Variants in ATP8A2 observed in about 807,000 individuals in gnomAD.
ATP8A2 encodes phospholipid-transporting ATPase IB.
ATP8A2 carries 100 observed loss-of-function variants against 165.6 expected under a neutral mutation model. That is an observed-to-expected ratio of 0.60 (90% CI 0.51 to 0.71). ATP8A2 has a LOEUF of 0.71. Among genes scored for constraint, ATP8A2 ranks in the 30% least tolerant of loss-of-function variants. The pLI, the probability that ATP8A2 is intolerant of heterozygous loss-of-function variation, is 0.00. For synonymous variants in ATP8A2, 543 were observed against 548.8 expected, an observed-to-expected ratio of 0.99 and a Z score of 0.15; for missense variants, 1,227 against 1,479.5, an observed-to-expected ratio of 0.83 and a Z score of 2.80.
intron 25 of ATP8A2, among the ~76,000 whole-genome samples, chr13:25,714,429 C>T (rs2043214190): frequency 1.3e-5 from 2 of 152,170 alleles, no homozygotes; most frequent in Non-Finnish European, 1.5e-5. Context: ...GTGCCACTTT[C>T]CATAGCTTTA....
intron 24 of ATP8A2, among the ~76,000 whole-genome samples, chr13:25,593,219 A>G (rs572846295): frequency 1.4e-4 from 22 of 152,306 alleles, no homozygotes; most frequent in Admixed American, 1.4e-3. Flanking sequence ...CAGGGCTCCA[A>G]TAACAATGCA....
intron 1 of ATP8A2, among the ~76,000 whole-genome samples, chr13:25,391,215 T>A (rs961975968): frequency 3.3e-5 from 5 of 152,160 alleles, no homozygotes; most frequent in Non-Finnish European, 7.3e-5. Flanking sequence ...GATATGAGGC[T>A]TCATCTGCAT....
intron 24 of ATP8A2, among the ~76,000 whole-genome samples, chr13:25,609,967 T>A (rs2040637073): frequency 1.3e-5 from 2 of 152,078 alleles, no homozygotes; most frequent in South Asian, 4.2e-4. Flanking sequence ...ATAGGATTGT[T>A]TTTTTATTGC....
At chr13:25,615,123 G>A (rs1210883649) in intron 24 of ATP8A2, among the ~76,000 whole-genome samples, 4 of 152,112 alleles carry the variant, frequency 2.6e-5, no homozygotes, top group South Asian at 2.1e-4. Context: ...CTTTGTCTTC[G>A]GCTACCAGGG....
chr13:25,926,603 A>G lies in ATP8A2; in HGVS notation c.3184-34972A>G, dbSNP rs1593572603. Among the ~76,000 whole-genome samples the G allele has an allele frequency of 3.3e-5, 5 of 152,228 alleles. No homozygotes were observed. The South Asian group carries it at 1.0e-3, about 32-fold the overall frequency. On this transcript the variant is annotated intron_variant, in intron 33 of 36. Transcript: ENST00000381655. ...GTTTTGCTAAATGAATGAATGAAACATGCAACAGATCATGGGGATTTGGGG... is the reference window on the plus strand; with the variant it reads ...GTTTTGCTAAATGAATGAATGAAACGTGCAACAGATCATGGGGATTTGGGG...
At chr13:25,521,519 T>C (rs1373462836) in intron 2 of ATP8A2, among the ~76,000 whole-genome samples, 1 of 152,204 alleles carries the variant, frequency 6.6e-6, no homozygotes, top group Admixed American at 6.5e-5. Context: ...GTCTTAGATT[T>C]GAGCCTTTAA....
intron 24 of ATP8A2, among the ~76,000 whole-genome samples, chr13:25,674,969 G>A (rs1253576435): frequency 1.3e-5 from 2 of 152,314 alleles, no homozygotes; most frequent in African/African-American, 2.4e-5. Context: ...CCAAAAGGAC[G>A]TAAGTCTAGA....
chr13:25,742,221 C>A (rs2043929910), intron 25 of ATP8A2, among the ~76,000 whole-genome samples: 1 of 152,088 alleles, frequency 6.6e-6, no homozygotes. Flanking sequence ...GTACTAAACA[C>A]ATCCTAAACA....
intron 1 of ATP8A2, among the ~76,000 whole-genome samples, chr13:25,433,399 A>G (rs1270460362): frequency 6.6e-6 from 1 of 152,130 alleles, no homozygotes; most frequent in Non-Finnish European, 1.5e-5. Flanking sequence ...CAGCTTCCCA[A>G]GTAGCTGGGA....
At chr13:25,980,802 T>C (rs1225596381) in intron 35 of ATP8A2, among the ~76,000 whole-genome samples, 1 of 152,068 alleles carries the variant, frequency 6.6e-6, no homozygotes, top group East Asian at 1.9e-4. Context: ...GTCCAGGAGT[T>C]TGAGGCTGCA....
intron 25 of ATP8A2, among the ~76,000 whole-genome samples, chr13:25,726,516 C>T (rs1333774730): frequency 3.9e-5 from 6 of 152,170 alleles, no homozygotes; most frequent in Admixed American, 6.5e-5. Flanking sequence ...ATAAATTCCT[C>T]GGCTTGTGGC....
intron 35 of ATP8A2, among the ~76,000 whole-genome samples, chr13:25,974,838 C>T (rs1955995229): frequency 1.3e-5 from 2 of 152,246 alleles, no homozygotes; most frequent in South Asian, 4.2e-4. Context: ...AGTCATCCCC[C>T]CTGGTCCCTT....
intron 24 of ATP8A2, among the ~76,000 whole-genome samples, chr13:25,684,990 A>G (rs2042570718): frequency 6.6e-6 from 1 of 152,224 alleles, no homozygotes; most frequent in South Asian, 2.1e-4. Context: ...GCTTTGAATT[A>G]TACCTGAGAA....
chr13:25,461,660 A>G (rs552024988), intron 1 of ATP8A2, among the ~76,000 whole-genome samples: 56 of 152,278 alleles, frequency 3.7e-4, no homozygotes, highest in Non-Finnish European at 4.0e-4. Context: ...TTGAATACCT[A>G]TGTTTACCAG....
rs773160535 is a variant in ATP8A2 at position 25,589,678 on chromosome 13, A to G, written c.2190A>G (p.Leu730=). The part of the protein sequence containing the change: ...RLVSQNMALI[L]LKEDSLDATR... ...TATCGCAGAATATGGCCCTTATCCT[A>G]TTGAAGGAGGACTCTTTGGATGTAA... is the stretch of plus-strand genomic sequence containing the variant. Residue 730 remains leucine (L), a synonymous_variant, in exon 24 of 37, where the codon CTA becomes CTG. Transcript: ENST00000381655. 6.2e-7 allele frequency: 1 copy of G among 1,610,646 alleles called. No individual in the cohort carries two copies. The highest frequency in any genetic ancestry group is 1.1e-5 in the South Asian group (1 of 90,782).
chr13:25,867,191 TTTATGTACACAC>T (rs1952530782), intron 33 of ATP8A2, among the ~76,000 whole-genome samples: 3 of 151,898 alleles, frequency 2.0e-5, no homozygotes, highest in Admixed American at 6.6e-5. Flanking sequence ...ACTCTTGAGT[TTTATGTACACAC>T]TTGTGTACAC....
chr13:26,009,584 C>T (rs1186631816), intron 35 of ATP8A2, among the ~76,000 whole-genome samples: 1 of 152,088 alleles, frequency 6.6e-6, no homozygotes, highest in African/African-American at 2.4e-5. Flanking sequence ...GTCAAGTTAG[C>T]CTTGGATGGA....
intron 36 of ATP8A2, among the ~76,000 whole-genome samples, chr13:26,018,754 C>T (rs1957036182): frequency 6.6e-6 from 1 of 152,158 alleles, no homozygotes; most frequent in South Asian, 2.1e-4. Flanking sequence ...TGCTTCCCAG[C>T]TCTGCCACTC....
In ATP8A2 at chr13:25,578,822, T is replaced by G; in HGVS notation, c.1790T>G (p.Val597Gly). Residue 597 changes from valine to glycine, a missense_variant, in exon 21 of 37, where the codon GTG (valine) becomes GGG (glycine). Around this residue, in one of 5 missense-constraint regions of ATP8A2, gnomAD observed 592 missense variants for 785.6 expected, o/e 0.75. Coordinates refer to ENST00000381655, the MANE Select transcript of ATP8A2 (RefSeq NM_016529.6). ...LRLYCKGADN[V>G]IFERLSKDSK... ...TGTTTCCCTATTTTATAGGATAATG[T>G]GATTTTTGAGAGACTTTCAAAAGAC... The G allele has an allele frequency of 1.9e-6, 3 of 1,579,914 alleles. No individual in the cohort carries two copies. The highest frequency in any genetic ancestry group is 2.6e-6 in the Non-Finnish European group (3 of 1,148,902).
Sources: gnomAD v4.1 joint callset for allele counts (sites outside exome capture counted in the v4.1 genomes callset) on GRCh38, gnomAD v4.1.1 for gene constraint, gnomAD v4.1.1 regional missense constraint, MANE v1.5 for transcripts, NCBI Gene and HGNC (gene_info 2026-07-23, HGNC 2026-07-21) for gene names.